The following CHODL variants were observed in gnomAD, a reference collection of about 807,000 sequenced individuals.
CHODL encodes transmembrane protein MT75.
In CHODL, 29 loss-of-function variants were observed where a neutral mutation model predicts 34.5. The observed-to-expected ratio is 0.84, with a 90% CI of 0.63 to 1.15. The LOEUF is 1.15. Ranked by LOEUF, CHODL falls within the 50% of genes most tolerant of loss-of-function variation. The pLI, the probability that CHODL is intolerant of heterozygous loss-of-function variation, is 0.00. For missense variants in CHODL, 332 were observed against 332.5 expected (o/e 1.00, Z 0.01); for synonymous variants, 125 against 116.1 (o/e 1.08, Z -0.49).
chr21:18,066,630 C>T (rs2064735442), intron 2 of CHODL, among the ~76,000 whole-genome samples: 1 of 152,058 alleles, frequency 6.6e-6, no homozygotes, highest in African/African-American at 2.4e-5. Flanking sequence ...GAAAGTATAA[C>T]TTAGGGGGGT....
At chr21:17,973,923 G>C (rs1298802663) in intron 1 of CHODL, among the ~76,000 whole-genome samples, 1 of 152,078 alleles carries the variant, frequency 6.6e-6, no homozygotes, top group Non-Finnish European at 1.5e-5. Flanking sequence ...AAGCCATGGA[G>C]AGATCAAATA....
chr21:17,967,596 G>T (rs2063582304), intron 1 of CHODL, among the ~76,000 whole-genome samples: 1 of 152,156 alleles, frequency 6.6e-6, no homozygotes, highest in African/African-American at 2.4e-5. Context: ...TGCCTCCTAT[G>T]TAGTAACATG....
At chr21:18,195,904 A>C (rs745868871) in intron 2 of CHODL, among the ~76,000 whole-genome samples, 1 of 152,208 alleles carries the variant, frequency 6.6e-6, no homozygotes, top group Non-Finnish European at 1.5e-5. Context: ...AGTGACTGGC[A>C]TATTATCTCC....
At chr21:17,930,651 A>G (rs959141975) in intron 1 of CHODL, among the ~76,000 whole-genome samples, 2 of 152,186 alleles carry the variant, frequency 1.3e-5, no homozygotes, top group Non-Finnish European at 2.9e-5. Context: ...ACTCATGCAC[A>G]TTGTCCAGAG....
intron 2 of CHODL, among the ~76,000 whole-genome samples, chr21:18,230,101 A>G (rs766860130): frequency 6.6e-6 from 1 of 152,140 alleles, no homozygotes; most frequent in Non-Finnish European, 1.5e-5. Flanking sequence ...ACTCAGGGGA[A>G]AAAAGTTTCT....
intron 2 of CHODL, among the ~76,000 whole-genome samples, chr21:18,174,520 A>T (rs1316764327): frequency 2.0e-5 from 3 of 152,172 alleles, no homozygotes; most frequent in Non-Finnish European, 4.4e-5. Flanking sequence ...GGCCAAGTTT[A>T]TAAGCTTTTC....
intron 1 of CHODL, among the ~76,000 whole-genome samples, chr21:17,970,960 A>C (rs538245081): frequency 6.6e-6 from 1 of 151,702 alleles, no homozygotes; most frequent in Non-Finnish European, 1.5e-5. Flanking sequence ...TTCAATTCCC[A>C]CTTATGAGTG....
At chr21:18,102,106 T>A (rs1239068525) in intron 2 of CHODL, among the ~76,000 whole-genome samples, 1 of 152,192 alleles carries the variant, frequency 6.6e-6, no homozygotes, top group Non-Finnish European at 1.5e-5. Context: ...AGCTTCTTTG[T>A]AACTTGCATT....
chr21:17,917,795 A>C (rs2063151910), intron 1 of CHODL, among the ~76,000 whole-genome samples: 1 of 152,110 alleles, frequency 6.6e-6, no homozygotes, highest in Non-Finnish European at 1.5e-5. Context: ...GAGGTAAATG[A>C]ATGATATTTA....
In CHODL at chr21:18,108,836, GTTGTGTGT is replaced by G. The variant is rs1177120833; in HGVS notation, c.-45+80866_-45+80873del. Among the ~76,000 whole-genome samples the G allele has an allele frequency of 2.9e-4, 32 of 109,382 alleles. No individual in the cohort carries two copies. The East Asian group carries it at 3.0e-3, about 10-fold the overall frequency. The allele number at this position is 109,382 out of a possible 152,430, so 71.8% of individuals were successfully genotyped here. A position where few individuals can be genotyped will look rare whatever the true frequency, so the allele number is the denominator to read the frequency against. On this transcript the variant is annotated intron_variant, in intron 2 of 6. Transcript: ENST00000400127. ...TTTCTCAGATTCTCTTCTTTGCAAT[GTTGTGTGT>G]GTGTGTGTGTGTGTGTGTGTGTGTG...
chr21:18,155,913 T>C (rs1332452703), intron 2 of CHODL, among the ~76,000 whole-genome samples: 1 of 152,208 alleles, frequency 6.6e-6, no homozygotes, highest in Non-Finnish European at 1.5e-5. Context: ...CTCAGGGTCA[T>C]CATTTTGCTA....
At chr21:17,968,917 T>C (rs1242615979) in intron 1 of CHODL, among the ~76,000 whole-genome samples, 1 of 152,236 alleles carries the variant, frequency 6.6e-6, no homozygotes, top group Non-Finnish European at 1.5e-5. Flanking sequence ...AGAATTTCTT[T>C]ATGCAACAGA....
Position 18,092,840 on chromosome 21 carries a change from G to T in CHODL, c.-45+64869G>T, listed in dbSNP as rs1032541114. Among the ~76,000 whole-genome samples, 4 of 152,220 alleles carry T rather than the reference G, an allele frequency of 2.6e-5. No individual in the cohort carries two copies. The East Asian group carries it at 7.7e-4, about 29-fold the overall frequency. ...TAAGATCTAGAAAATAGCCTCAAAA[G>T]GTCAAACCATAGAGTTCTTGGCCTT... On this transcript the variant is annotated intron_variant, in intron 2 of 6. Coordinates refer to the CHODL transcript ENST00000400127.
Position 18,144,200 on chromosome 21 carries a change from G to A in CHODL, c.-44-112309G>A, listed in dbSNP as rs372522065. Among the ~76,000 whole-genome samples, 14 of 152,142 alleles carry A rather than the reference G, an allele frequency of 9.2e-5. No homozygotes were observed. The South Asian group carries it at 2.9e-3, about 32-fold the overall frequency. ...TTTCTGGGGTCATTTATTGTAAAGGGAATCATATCAGTTATTTGATACCTG... is the reference window on the plus strand; with the variant it reads ...TTTCTGGGGTCATTTATTGTAAAGGAAATCATATCAGTTATTTGATACCTG... On this transcript the variant is annotated intron_variant, in intron 2 of 6. Coordinates refer to the CHODL transcript ENST00000400127.
intron 2 of CHODL, among the ~76,000 whole-genome samples, chr21:18,213,437 GT>G (rs959931405): frequency 9.2e-5 from 14 of 152,020 alleles, no homozygotes; most frequent in African/African-American, 3.4e-4. Flanking sequence ...GCCCAGTTCT[GT>G]TTTGCCTGTG....
chr21:18,106,258 T>G (rs1214086711), intron 2 of CHODL, among the ~76,000 whole-genome samples: 1 of 152,124 alleles, frequency 6.6e-6, no homozygotes, highest in Non-Finnish European at 1.5e-5. Flanking sequence ...CAGACCTAAG[T>G]CATTTCCAAC....
rs551083583 is a variant in CHODL, at chr21:17,922,208, TA to T, written c.-145+4821del. ...CCAAGTGGGCCACTGCTTATGGCTC[TA>T]AAAAAAAAAAAACACTGTACCTCAG... On this transcript the variant is annotated intron_variant, in intron 1 of 6. Transcript: ENST00000400127. Among the ~76,000 whole-genome samples the T allele has an allele frequency of 5.8e-3, 822 of 140,764 alleles. 3 individuals are homozygous for T. Among genetic ancestry groups the T allele is most frequent in the African/African-American group, 0.014 (557 of 38,822 alleles). The allele number at this position is 140,764 out of a possible 152,430, so 92.3% of individuals were successfully genotyped here.
At chr21:17,997,007 T>C (rs2063856501) in intron 1 of CHODL, among the ~76,000 whole-genome samples, 1 of 152,158 alleles carries the variant, frequency 6.6e-6, no homozygotes, top group Non-Finnish European at 1.5e-5. Context: ...CATTTTATTC[T>C]GATTTTAAAA....
chr21:18,121,242 C>T (rs1479535245), intron 2 of CHODL, among the ~76,000 whole-genome samples: 2 of 152,174 alleles, frequency 1.3e-5, no homozygotes. Flanking sequence ...GAAGAACTGT[C>T]TTGGGCCATA....
Sources: gnomAD v4.1 joint callset for allele counts (sites outside exome capture counted in the v4.1 genomes callset) on GRCh38, gnomAD v4.1.1 for gene constraint, MANE v1.5 for transcripts, NCBI Gene and HGNC (gene_info 2026-07-23, HGNC 2026-07-21) for gene names.